Variants in ZNF148 observed in about 807,000 individuals in gnomAD.
ZNF148 encodes the protein Beta-Enolase Repressor Factor-1.
A neutral mutation model predicts 67.7 loss-of-function variants in ZNF148; 7 were observed. The ratio of observed to expected loss-of-function variants is 0.10; its 90% CI spans 0.06 to 0.19. The LOEUF is 0.19. ZNF148 is among the 10% of genes least tolerant of loss of function. The pLI is 1.00. For synonymous variants in ZNF148, 333 were observed against 330.7 expected, an observed-to-expected ratio of 1.01 and a Z score of -0.08; for missense variants, 583 against 947.1, an observed-to-expected ratio of 0.62 and a Z score of 5.05.
At chr3:125,336,969 C>A (rs1432155212) in intron 1 of ZNF148, among the ~76,000 whole-genome samples, 3 of 150,546 alleles carry the variant, frequency 2.0e-5, no homozygotes, top group Non-Finnish European at 4.4e-5. Context: ...GCCACCGCAC[C>A]CAGCCAGCAA....
chr3:125,271,639 G>A (rs1937743848), intron 7 of ZNF148, among the ~76,000 whole-genome samples: 1 of 152,142 alleles, frequency 6.6e-6, no homozygotes. Flanking sequence ...TGTAAAACAG[G>A]AATACCAGTA....
intron 3 of ZNF148, among the ~76,000 whole-genome samples, chr3:125,318,574 G>A (rs1940627362): frequency 6.6e-6 from 1 of 152,136 alleles, no homozygotes; most frequent in Non-Finnish European, 1.5e-5. Context: ...AAGAAAATAC[G>A]TGGAGTAATA....
rs574727615 is a variant in ZNF148, at chr3:125,230,340, T to C, written c.*2001A>G. 1.3e-3 allele frequency: 203 copies of C among 152,682 alleles called. 1 individual carries two copies. The highest frequency in any genetic ancestry group is 2.2e-3 in the Non-Finnish European group (148 of 68,006). The allele number at this position is 152,682 out of a possible 1,614,324, so 9.5% of individuals were successfully genotyped here. On this transcript the variant is annotated 3_prime_UTR_variant, in exon 9 of 9. Coordinates refer to ENST00000360647, the MANE Select transcript of ZNF148 (RefSeq NM_021964.3). Reference sequence around the variant, plus strand: ...CCTGAATGAAGCCTTTTTGTAATTATGTAATGCACAACACAACACACACAA... The same window carrying C: ...CCTGAATGAAGCCTTTTTGTAATTACGTAATGCACAACACAACACACACAA...
intron 3 of ZNF148, among the ~76,000 whole-genome samples, chr3:125,323,103 T>C (rs1469357797): frequency 6.6e-6 from 1 of 152,158 alleles, no homozygotes. Context: ...CACATTTTTG[T>C]TGTGTTAGAG....
chr3:125,332,141 C>T (rs1941315005), intron 1 of ZNF148, among the ~76,000 whole-genome samples: 1 of 152,134 alleles, frequency 6.6e-6, no homozygotes, highest in Non-Finnish European at 1.5e-5. Context: ...TTTACATATG[C>T]TTTATCAAGG....
At chr3:125,372,013 G>A (rs940819818) in intron 1 of ZNF148, among the ~76,000 whole-genome samples, 5 of 147,688 alleles carry the variant, frequency 3.4e-5, no homozygotes, top group South Asian at 4.3e-4. Flanking sequence ...GCAGTGAGCC[G>A]AGATCACACC....
chr3:125,331,289 CAT>C (rs780259931), intron 1 of ZNF148, 51 bp from the exon 2 acceptor site: 1 of 398,156 alleles, frequency 2.5e-6, no homozygotes, highest in African/African-American at 2.1e-5. Context: ...CAGGATTAAA[CAT>C]AGTCTTAAAG....
chr3:125,347,155 A>G (rs1397689842), intron 1 of ZNF148, among the ~76,000 whole-genome samples: 2 of 152,236 alleles, frequency 1.3e-5, no homozygotes, highest in Non-Finnish European at 2.9e-5. Context: ...CAAGACATGT[A>G]CACTGAAAAC....
intron 2 of ZNF148, among the ~76,000 whole-genome samples, chr3:125,325,039 T>C (rs575837276): frequency 5.9e-5 from 9 of 152,262 alleles, no homozygotes; most frequent in African/African-American, 1.4e-4. Flanking sequence ...AATCCAGAGT[T>C]GTTACAATAT....
intron 1 of ZNF148, chr3:125,344,681 T>G: frequency 6.2e-6 from 4 of 641,490 alleles, no homozygotes; most frequent in Middle Eastern, 3.8e-4. Flanking sequence ...TCTCTCTGCT[T>G]CTTCTTTATT....
chr3:125,246,228 G>A (rs1247085641), intron 7 of ZNF148, among the ~76,000 whole-genome samples: 4 of 152,068 alleles, frequency 2.6e-5, no homozygotes, highest in Non-Finnish European at 4.4e-5. Context: ...ATAATGATGA[G>A]ACTATGACAA....
Position 125,241,615 on chromosome 3 carries a change from G to A in ZNF148, c.668-7286C>T, listed in dbSNP as rs570040146. 5.9e-5 allele frequency among the ~76,000 whole-genome samples: 9 copies of A among 152,084 alleles called. No individual in the cohort carries two copies. In the East Asian group the frequency reaches 1.7e-3, roughly 29 times the overall value. On this transcript the variant is annotated intron_variant, in intron 7 of 8. Transcript: ENST00000360647. ...GAATTAGCTCATTCTTTCTGACAGC[G>A]GATGTTATTTATTTTTCACTGATGG... is the stretch of plus-strand genomic sequence containing the variant.
intron 1 of ZNF148, among the ~76,000 whole-genome samples, chr3:125,342,950 T>C (rs1036485450): frequency 6.6e-6 from 1 of 152,166 alleles, no homozygotes. Context: ...ACTACAAAAC[T>C]GAGATAGACT....
chr3:125,356,449 G>A, intron 1 of ZNF148, among the ~76,000 whole-genome samples: 1 of 152,164 alleles, frequency 6.6e-6, no homozygotes. Flanking sequence ...CAAGCACAGA[G>A]AAACCCAGGA....
chr3:125,322,955 A>G (rs1023643016), intron 3 of ZNF148, among the ~76,000 whole-genome samples: 3 of 152,334 alleles, frequency 2.0e-5, no homozygotes, highest in East Asian at 1.9e-4. Flanking sequence ...CCTCGGTATG[A>G]AAACAGTTTC....
chr3:125,241,968 G>A (rs1483335673), intron 7 of ZNF148, among the ~76,000 whole-genome samples: 1 of 152,204 alleles, frequency 6.6e-6, no homozygotes, highest in African/African-American at 2.4e-5. Context: ...TATCTCAGCA[G>A]GAGGTGGATG....
intron 7 of ZNF148, among the ~76,000 whole-genome samples, chr3:125,243,063 TTA>T (rs1218366660): frequency 2.6e-5 from 4 of 152,200 alleles, no homozygotes; most frequent in African/African-American, 9.7e-5. Context: ...TCTGAAGTGT[TTA>T]TGTTAACTTA....
intron 5 of ZNF148, among the ~76,000 whole-genome samples, chr3:125,281,860 C>T (rs1938407347): frequency 1.3e-5 from 2 of 152,156 alleles, no homozygotes; most frequent in African/African-American, 4.8e-5. Context: ...TAATAAAGGA[C>T]ATAGAGTAAA....
At chr3:125,331,602 C>G (rs1941294078) in intron 1 of ZNF148, among the ~76,000 whole-genome samples, 1 of 152,126 alleles carries the variant, frequency 6.6e-6, no homozygotes, top group Non-Finnish European at 1.5e-5. Context: ...TATTTTGATA[C>G]TCTCCAACAC....
Sources: allele counts gnomAD v4.1 joint callset (sites outside exome capture counted in the v4.1 genomes callset), GRCh38; gene constraint gnomAD v4.1.1; transcripts MANE v1.5; gene names NCBI Gene and HGNC (gene_info 2026-07-23, HGNC 2026-07-21).